Variants in GPC5 observed in about 807,000 individuals in gnomAD.
GPC5 encodes the protein glypican-5.
Under a neutral mutation model 53.9 loss-of-function variants are expected in GPC5, and 47 were observed. The observed-to-expected ratio is 0.87, with a 90% CI of 0.69 to 1.11. GPC5 has a LOEUF of 1.11. Among genes scored for constraint, GPC5 ranks in the 50% most tolerant of loss-of-function variants. The probability of loss-of-function intolerance (pLI) is 0.00; values close to 1 mark genes in which losing one functional copy is unlikely to be tolerated. For synonymous variants in GPC5, 286 were observed against 263.3 expected, an observed-to-expected ratio of 1.09 and a Z score of -0.84; for missense variants, 748 against 713.1, an observed-to-expected ratio of 1.05 and a Z score of -0.56.
At chr13:92,078,650 A>G (rs972051654) in intron 6 of GPC5, among the ~76,000 whole-genome samples, 2 of 151,934 alleles carry the variant, frequency 1.3e-5, no homozygotes, top group African/African-American at 4.8e-5. Context: ...TCTCTTTTAT[A>G]TTTTTATTCC....
intron 7 of GPC5, among the ~76,000 whole-genome samples, chr13:92,624,335 G>A (rs1407071566): frequency 6.6e-6 from 1 of 152,144 alleles, no homozygotes; most frequent in East Asian, 1.9e-4. Context: ...CTCCCAAAAT[G>A]CTGGTATTAC....
intron 4 of GPC5, among the ~76,000 whole-genome samples, chr13:91,742,024 A>G (rs1322624189): frequency 6.6e-6 from 1 of 152,166 alleles, no homozygotes; most frequent in East Asian, 1.9e-4. Context: ...TTAATGTAAA[A>G]CAGTGCTTGT....
At chr13:92,051,958 A>T (rs144463317) in intron 6 of GPC5, among the ~76,000 whole-genome samples, 3 of 152,142 alleles carry the variant, frequency 2.0e-5, no homozygotes, top group Non-Finnish European at 4.4e-5. Context: ...ATAGTTCCAA[A>T]CCTAGTGAGA....
At chr13:92,698,592 T>A (rs1259854690) in intron 7 of GPC5, among the ~76,000 whole-genome samples, 1 of 152,184 alleles carries the variant, frequency 6.6e-6, no homozygotes, top group African/African-American at 2.4e-5. Context: ...TGGTTCCAAG[T>A]CTTTGCTATT....
intron 5 of GPC5, among the ~76,000 whole-genome samples, chr13:91,864,269 A>G (rs971445161): frequency 9.8e-5 from 15 of 152,344 alleles, no homozygotes; most frequent in African/African-American, 2.6e-4. Flanking sequence ...GGAGAATTTC[A>G]TAATGACTTT....
chr13:92,705,524 A>G (rs946910026), intron 7 of GPC5, among the ~76,000 whole-genome samples: 6 of 152,322 alleles, frequency 3.9e-5, no homozygotes, highest in African/African-American at 1.4e-4. Context: ...TAGAAAAAAT[A>G]AGAATGTAAA....
chr13:91,958,171 A>G (rs2040091651), intron 6 of GPC5, among the ~76,000 whole-genome samples: 2 of 151,906 alleles, frequency 1.3e-5, no homozygotes, highest in African/African-American at 4.8e-5. Flanking sequence ...ATAGACTGAA[A>G]GTAAAGTGGG....
chr13:91,468,735 A>G (rs1882409470), intron 2 of GPC5, among the ~76,000 whole-genome samples: 1 of 152,174 alleles, frequency 6.6e-6, no homozygotes, highest in African/African-American at 2.4e-5. Flanking sequence ...GGAAACCAAT[A>G]CAAATGTGTT....
At chr13:92,666,403 T>G (rs1886566349) in intron 7 of GPC5, among the ~76,000 whole-genome samples, 1 of 152,144 alleles carries the variant, frequency 6.6e-6, no homozygotes, top group Non-Finnish European at 1.5e-5. Flanking sequence ...AGTGAATATT[T>G]AAGGATATAA....
At chr13:92,199,185 A>T (rs1323592918) in intron 7 of GPC5, among the ~76,000 whole-genome samples, 1 of 152,218 alleles carries the variant, frequency 6.6e-6, no homozygotes, top group African/African-American at 2.4e-5. Context: ...AAACATGCAT[A>T]TGTGATCATC....
At chr13:92,215,470 G>A (rs1456001253) in intron 7 of GPC5, among the ~76,000 whole-genome samples, 2 of 152,176 alleles carry the variant, frequency 1.3e-5, no homozygotes, top group Non-Finnish European at 2.9e-5. Flanking sequence ...AATAATTCAT[G>A]TGGCTTGTCT....
At chr13:92,699,363 C>A (rs1007257783) in intron 7 of GPC5, among the ~76,000 whole-genome samples, 3 of 151,980 alleles carry the variant, frequency 2.0e-5, no homozygotes, top group Non-Finnish European at 4.4e-5. Flanking sequence ...TTGTGTTGAT[C>A]TTTTCAGAAA....
At chr13:92,392,102 G>T (rs565722560) in intron 7 of GPC5, among the ~76,000 whole-genome samples, 131 of 152,298 alleles carry the variant, frequency 8.6e-4, no homozygotes, top group African/African-American at 3.0e-3. Flanking sequence ...AGCCAAGTAT[G>T]TTCTAGTTTA....
At chr13:91,900,629 A>G (rs2039488296) in intron 5 of GPC5, among the ~76,000 whole-genome samples, 1 of 152,144 alleles carries the variant, frequency 6.6e-6, no homozygotes, top group African/African-American at 2.4e-5. Context: ...AAAATTTAAA[A>G]CCATAAAAAC....
chr13:92,572,921 A>G (rs1883076830), intron 7 of GPC5, among the ~76,000 whole-genome samples: 1 of 152,216 alleles, frequency 6.6e-6, no homozygotes, highest in Admixed American at 6.5e-5. Context: ...GAAAGATTAG[A>G]TATGTAGATA....
At chr13:92,847,691 G>A (rs544638478) in intron 7 of GPC5, among the ~76,000 whole-genome samples, 1 of 151,888 alleles carries the variant, frequency 6.6e-6, no homozygotes, top group South Asian at 2.1e-4. Flanking sequence ...AGAAGAGACT[G>A]ATACACCCTG....
At chr13:91,428,042 G>A (rs538372456) in intron 1 of GPC5, among the ~76,000 whole-genome samples, 86 of 152,180 alleles carry the variant, frequency 5.7e-4, no homozygotes, top group African/African-American at 1.8e-3. Flanking sequence ...TAAACCTCTC[G>A]TCTATACAAA....
At chr13:91,578,985 G>T (rs1475140007) in intron 2 of GPC5, among the ~76,000 whole-genome samples, 1 of 152,138 alleles carries the variant, frequency 6.6e-6, no homozygotes, top group Admixed American at 6.6e-5. Context: ...GGCAAAAGTT[G>T]CAGTGAGCCG....
rs529470043 is a variant in GPC5 at position 92,251,222 on chromosome 13, C to T, written c.1561+106233C>T. The stretch of plus-strand genomic sequence containing the variant: ...AGAATACTGAAGTCAACAGGCTGGA[C>T]GTATGGTATGTGGTGTATCAAAAGA... On this transcript the variant is annotated intron_variant, in intron 7 of 7. Coordinates refer to ENST00000377067, the MANE Select transcript of GPC5 (RefSeq NM_004466.6). Among the ~76,000 whole-genome samples the T allele has an allele frequency of 2.0e-5, 3 of 152,064 alleles. No individual in the cohort carries two copies. The South Asian group carries it at 6.2e-4, about 32-fold the overall frequency.
Sources: gnomAD v4.1 joint callset for allele counts (sites outside exome capture counted in the v4.1 genomes callset) on GRCh38, gnomAD v4.1.1 for gene constraint, MANE v1.5 for transcripts, NCBI Gene and HGNC (gene_info 2026-07-23, HGNC 2026-07-21) for gene names.